The following DEPDC1 variants were observed in gnomAD, a reference collection of about 807,000 sequenced individuals.
DEPDC1 encodes the protein DEP domain containing 1.
In DEPDC1, 66 loss-of-function variants were observed where a neutral mutation model predicts 86.8. The ratio of observed to expected loss-of-function variants is 0.76; its 90% CI spans 0.62 to 0.93. The LOEUF (loss-of-function observed/expected upper bound fraction) is 0.93. Among genes scored for constraint, DEPDC1 ranks in the 40% least tolerant of loss-of-function variants. The pLI is 0.00. For synonymous variants in DEPDC1, 255 were observed against 314.9 expected (o/e 0.81, Z 2.02); for missense variants, 792 against 935.7 (o/e 0.85, Z 2.00).
intron 5 of DEPDC1, among the ~76,000 whole-genome samples, chr1:68,487,730 C>A (rs1361708893): frequency 6.6e-6 from 1 of 151,878 alleles, no homozygotes; most frequent in Non-Finnish European, 1.5e-5. Context: ...CAGACAGAAA[C>A]TTATCATAAA....
intron 2 of DEPDC1, among the ~76,000 whole-genome samples, chr1:68,492,920 G>T (rs532630766): frequency 1.3e-5 from 2 of 152,266 alleles, no homozygotes; most frequent in African/African-American, 4.8e-5. Context: ...AGGTTAGAGG[G>T]TGATAGTCAT....
intron 4 of DEPDC1, among the ~76,000 whole-genome samples, 184 bp from the exon 5 acceptor site, chr1:68,488,688 A>C (rs376977944): frequency 1.3e-5 from 2 of 151,790 alleles, no homozygotes; most frequent in East Asian, 3.9e-4. Flanking sequence ...TATATATCCC[A>C]AACTATGGCC....
In DEPDC1 at chr1:68,497,056, G is replaced by T; in HGVS notation, c.-57C>A. 6.3e-7 allele frequency: 1 copy of T among 1,590,212 alleles called. No homozygotes were observed. Among genetic ancestry groups the T allele is most frequent in the Non-Finnish European group, 8.6e-7 (1 of 1,161,314 alleles). On this transcript the variant is annotated 5_prime_UTR_variant, in exon 1 of 12. Transcript: ENST00000456315. ...GGCGAAGGCGACACTCAGGCCCAGC[G>T]GCCGCGGCAGTGGCGAGTCTCGGCA...
intron 7 of DEPDC1, 141 bp from the exon 8 acceptor site, chr1:68,483,038 C>A: frequency 2.3e-6 from 2 of 856,740 alleles, no homozygotes; most frequent in South Asian, 1.9e-5. Flanking sequence ...TTGCTTAATT[C>A]AGAAGCCACT....
Position 68,481,614 on chromosome 1 carries a change from T to C in DEPDC1, c.1763-2A>G, listed in dbSNP as rs746650998. ...TCTCTAAATGAGGTTGCAGCAAGCC[T>C]AGAATACAAAAATACCCCCCCAAAA... On this transcript the variant is annotated splice_acceptor_variant, in intron 8 of 11. Transcript: ENST00000456315. LOFTEE classifies it high-confidence loss of function. 1.3e-6 allele frequency: 2 copies of C among 1,528,962 alleles called. No individual in the cohort carries two copies. Among genetic ancestry groups the C allele is most frequent in the Non-Finnish European group, 1.8e-6 (2 of 1,137,782 alleles). 94.7% of individuals were successfully genotyped at this position (1,528,962 alleles called of 1,614,324 possible). A position where few individuals can be genotyped will look rare whatever the true frequency, so the allele number is the denominator to read the frequency against.
intron 9 of DEPDC1, among the ~76,000 whole-genome samples, chr1:68,480,257 CA>C (rs1557616845): frequency 0.016 from 987 of 59,942 alleles, 9 homozygotes; most frequent in African/African-American, 0.044. Flanking sequence ...CTGTACCACA[CA>C]CACACACACA....
intron 11 of DEPDC1, among the ~76,000 whole-genome samples, chr1:68,477,487 T>C (rs536500863): frequency 6.6e-6 from 1 of 151,852 alleles, no homozygotes; most frequent in South Asian, 2.1e-4. Flanking sequence ...ATCCATACCT[T>C]ATAAATTGCT....
chr1:68,496,779 T>C lies in DEPDC1; in HGVS notation c.48+173A>G, dbSNP rs1646268698. 6 of 639,288 alleles carry C rather than the reference T, an allele frequency of 9.4e-6. No individual in the cohort carries two copies. Among genetic ancestry groups the C allele is most frequent in the Non-Finnish European group, 1.6e-5 (6 of 365,022 alleles). The allele number at this position is 639,288 out of a possible 1,614,324, so 39.6% of individuals were successfully genotyped here. On this transcript the variant is annotated intron_variant, in intron 1 of 11. Coordinates refer to ENST00000456315, the MANE Select transcript of DEPDC1 (RefSeq NM_001114120.3). This position sits in a 1 kb window ranked among gnomAD's most constrained non-coding sequence, Gnocchi z 4.0. ...CTCAAAATAGAGGGAGCGGTGAGTC[T>C]GGCAAGGGTTGCATACCCGCTACTT... is the stretch of plus-strand genomic sequence containing the variant.
chr1:68,486,890 AC>A, intron 6 of DEPDC1, 46 bp downstream of exon 6: 1 of 1,368,906 alleles, frequency 7.3e-7, no homozygotes, highest in South Asian at 1.8e-5. Flanking sequence ...TAACACACAC[AC>A]ACACACACAC....
chr1:68,476,743 GCT>G lies in DEPDC1; in HGVS notation c.*187_*188del. 2.0e-6 allele frequency: 1 copy of G among 500,768 alleles called. No individual in the cohort carries two copies. Among genetic ancestry groups the G allele is most frequent in the South Asian group, 3.7e-5 (1 of 27,222 alleles). The allele number at this position is 500,768 out of a possible 1,614,324, so 31.0% of individuals were successfully genotyped here. On this transcript the variant is annotated 3_prime_UTR_variant, in exon 12 of 12. Coordinates refer to ENST00000456315, the MANE Select transcript of DEPDC1 (RefSeq NM_001114120.3). ...TATTTGGTATCATCTATTGTTATGT[GCT>G]CTCAATTGAGATCTAGTTAGTTTCC... is the stretch of plus-strand genomic sequence containing the variant.
In DEPDC1 at chr1:68,496,876, C is replaced by A; in HGVS notation, c.48+76G>T. On this transcript the variant is annotated intron_variant, in intron 1 of 11. Coordinates refer to ENST00000456315, the MANE Select transcript of DEPDC1 (RefSeq NM_001114120.3). This position sits in a 1 kb window ranked among gnomAD's most constrained non-coding sequence, Gnocchi z 4.0. The stretch of plus-strand genomic sequence containing the variant: ...CCTCCGACCGAGGTAAAACTGCGAA[C>A]GGTCGAGGTAAAACTGCGAACAGTG... The A allele has an allele frequency of 1.4e-6, 2 of 1,474,392 alleles. No homozygotes were observed. The highest frequency in any genetic ancestry group is 1.2e-5 in the South Asian group (1 of 85,384). 91.3% of individuals were successfully genotyped at this position (1,474,392 alleles called of 1,614,324 possible).
intron 2 of DEPDC1, among the ~76,000 whole-genome samples, chr1:68,492,492 A>T (rs1646236645): frequency 6.6e-6 from 1 of 152,002 alleles, no homozygotes; most frequent in African/African-American, 2.4e-5. Context: ...GGATCCCTTG[A>T]GCTCAGGAGT....
intron 9 of DEPDC1, among the ~76,000 whole-genome samples, chr1:68,479,715 A>G (rs1646141162): frequency 1.3e-5 from 2 of 151,508 alleles, no homozygotes; most frequent in African/African-American, 2.4e-5. Context: ...AGGCAGAAGG[A>G]TTTTTTGAGC....
intron 6 of DEPDC1, 133 bp from the exon 7 acceptor site, chr1:68,484,223 A>T (rs1571199120): frequency 1.7e-6 from 1 of 594,814 alleles, no homozygotes; most frequent in East Asian, 3.5e-5. Flanking sequence ...CAGTTCAAAA[A>T]TTTAAAGGGT....
At chr1:68,477,151 A>G (rs1289040988) in intron 11 of DEPDC1, 82 bp from the exon 12 acceptor site, 4 of 1,233,480 alleles carry the variant, frequency 3.2e-6, no homozygotes, top group Non-Finnish European at 3.4e-6. Flanking sequence ...ATAAGAATTC[A>G]GTGTTTTTCT....
At position 68,474,881 on chromosome 1, in the gene DEPDC1, T is replaced by A. The variant is rs1160946131; in HGVS notation, c.*2051A>T. Reference sequence around the variant, plus strand: ...ATAATGAAAAGATAGTTAATAAGGCTCATCAATTGTCCGTAATTTTGTTTT... The same window carrying A: ...ATAATGAAAAGATAGTTAATAAGGCACATCAATTGTCCGTAATTTTGTTTT... On this transcript the variant is annotated 3_prime_UTR_variant, in exon 12 of 12. Coordinates refer to ENST00000456315, the MANE Select transcript of DEPDC1 (RefSeq NM_001114120.3). 1 of 152,020 alleles carries A rather than the reference T, an allele frequency of 6.6e-6. No homozygotes were observed. Among genetic ancestry groups the A allele is most frequent in the African/African-American group, 2.4e-5 (1 of 41,438 alleles). The allele number at this position is 152,020 out of a possible 1,614,324, so 9.4% of individuals were successfully genotyped here.
chr1:68,483,561 A>G, intron 7 of DEPDC1: 1 of 313,738 alleles, frequency 3.2e-6, no homozygotes, highest in Non-Finnish European at 6.1e-6. Context: ...TAGTGAACAC[A>G]TGGATGTGCT....
intron 9 of DEPDC1, among the ~76,000 whole-genome samples, chr1:68,480,575 G>A (rs1646148658): frequency 6.6e-6 from 1 of 151,720 alleles, no homozygotes; most frequent in Non-Finnish European, 1.5e-5. Context: ...CCAACATTCT[G>A]TTGGACAAAT....
chr1:68,496,921 TG>T lies in DEPDC1; in HGVS notation c.48+30del, dbSNP rs1646270079. The T allele has an allele frequency of 6.2e-7, 1 of 1,607,880 alleles. No individual in the cohort carries two copies. The highest frequency in any genetic ancestry group is 1.3e-5 in the African/African-American group (1 of 74,414). On this transcript the variant is annotated intron_variant, in intron 1 of 11. Transcript: ENST00000456315. The surrounding 1 kb of genome is among the most constrained non-coding windows in gnomAD (Gnocchi z 4.0). The stretch of plus-strand genomic sequence containing the variant: ...ACAGTGGTGACTGCCGTCAGCCCGC[TG>T]ACCGGTCCCGTCTATCCGAGCTGTC...
Sources: allele counts gnomAD v4.1 joint callset (sites outside exome capture counted in the v4.1 genomes callset), GRCh38; gene constraint gnomAD v4.1.1; non-coding constraint Gnocchi (gnomAD v3.1); transcripts MANE v1.5; gene names NCBI Gene and HGNC (gene_info 2026-07-23, HGNC 2026-07-21).